Variants in DYNC2I2 observed in about 807,000 individuals in gnomAD.
DYNC2I2 encodes dynein 2 intermediate chain 2.
DYNC2I2 carries 39 observed loss-of-function variants against 52.0 expected under a neutral mutation model. The ratio of observed to expected loss-of-function variants is 0.75; its 90% CI spans 0.58 to 0.98. The LOEUF (loss-of-function observed/expected upper bound fraction) is 0.98, where lower values mean the gene tolerates loss of function less well. Among genes scored for constraint, DYNC2I2 ranks in the 50% least tolerant of loss-of-function variants. The pLI, the probability that DYNC2I2 is intolerant of heterozygous loss-of-function variation, is 0.00. For synonymous variants in DYNC2I2, 359 were observed against 321.1 expected, an observed-to-expected ratio of 1.12 and a Z score of -1.26; for missense variants, 743 against 728.4, an observed-to-expected ratio of 1.02 and a Z score of -0.23.
chr9:128,642,404 C>T (rs984698938), intron 1 of DYNC2I2, among the ~76,000 whole-genome samples: 1 of 145,886 alleles, frequency 6.9e-6, no homozygotes, highest in Non-Finnish European at 1.5e-5. Context: ...TGCACTGAGC[C>T]GAGATCATGC....
intron 4 of DYNC2I2, 200 bp from the exon 5 acceptor site, chr9:128,635,967 C>G: frequency 1.5e-6 from 1 of 671,144 alleles, no homozygotes; most frequent in Non-Finnish European, 2.6e-6. Context: ...CCGGACACCC[C>G]TGCCCTGCAC....
At chr9:128,662,837 T>A in the DYNC2I2 span, among the ~76,000 whole-genome samples, 4 of 152,138 alleles carry the variant, frequency 2.6e-5, no homozygotes, top group Non-Finnish European at 5.9e-5. Flanking sequence ...GTGCTGGGAC[T>A]ACAGGAGTGA....
the DYNC2I2 span, among the ~76,000 whole-genome samples, chr9:128,664,604 C>T: frequency 2.6e-5 from 4 of 151,724 alleles, no homozygotes; most frequent in Non-Finnish European, 4.4e-5. Context: ...CCAGTCTCAG[C>T]CTCCCAAGTA....
At chr9:128,665,109 T>C in the DYNC2I2 span, among the ~76,000 whole-genome samples, 3 of 150,900 alleles carry the variant, frequency 2.0e-5, no homozygotes, top group Admixed American at 1.3e-4. Flanking sequence ...CTGGAGTACA[T>C]TGGCGCAATC....
chr9:128,658,054 C>T (rs535519135), upstream of DYNC2I2, among the ~76,000 whole-genome samples: 11 of 151,872 alleles, frequency 7.2e-5, no homozygotes, highest in South Asian at 2.1e-4. Context: ...GATTGAACCA[C>T]GCTGTGCTTT....
At chr9:128,665,769 C>CAAA in the DYNC2I2 span, among the ~76,000 whole-genome samples, 4 of 72,138 alleles carry the variant, frequency 5.5e-5, no homozygotes, top group Non-Finnish European at 5.5e-5. Context: ...GACTCTGTGT[C>CAAA]AAAAAAAAAA....
chr9:128,643,828 G>A (rs2132163045), intron 1 of DYNC2I2, among the ~76,000 whole-genome samples: 1 of 152,306 alleles, frequency 6.6e-6, no homozygotes, highest in Non-Finnish European at 1.5e-5. Context: ...GCAGTTCTGT[G>A]GGGCCTGCTT....
chr9:128,653,730 G>A (rs1416891806), intron 1 of DYNC2I2, among the ~76,000 whole-genome samples: 1 of 149,948 alleles, frequency 6.7e-6, no homozygotes, highest in African/African-American at 2.5e-5. Context: ...AAAAAACCCA[G>A]GCCGGGCGCA....
At chr9:128,649,688 C>CAAAAAAAAAAAAAAAAAAA (rs34154610) in intron 1 of DYNC2I2, among the ~76,000 whole-genome samples, 3 of 47,230 alleles carry the variant, frequency 6.4e-5, no homozygotes, top group African/African-American at 4.1e-4. Flanking sequence ...GACTCCATCT[C>CAAAAAAAAAAAAAAAAAAA]AAAAAAAAAA....
At chr9:128,659,113 G>T (rs1457207282), upstream of DYNC2I2, among the ~76,000 whole-genome samples, 1 of 151,758 alleles carries the variant, frequency 6.6e-6, no homozygotes, top group Non-Finnish European at 1.5e-5. Flanking sequence ...CCACCCCATG[G>T]CCTCTGCCTC....
chr9:128,649,627 T>C (rs1352267204), intron 1 of DYNC2I2, among the ~76,000 whole-genome samples: 2 of 139,680 alleles, frequency 1.4e-5, no homozygotes, highest in Admixed American at 8.0e-5. Context: ...GGGCAGAGAT[T>C]GCAGTGAGCC....
At chr9:128,645,452 A>C (rs181137824) in intron 1 of DYNC2I2, among the ~76,000 whole-genome samples, 6,942 of 139,898 alleles carry the variant, frequency 0.05, 214 homozygotes, top group East Asian at 0.13. Flanking sequence ...ACTCTGTCTC[A>C]AAAAAAAAAA....
the DYNC2I2 span, among the ~76,000 whole-genome samples, chr9:128,667,156 G>T: frequency 6.6e-6 from 1 of 151,408 alleles, no homozygotes; most frequent in Non-Finnish European, 1.5e-5. Flanking sequence ...CCGAGATCAC[G>T]CCATTGCACT....
At chr9:128,642,671 C>T (rs1273421869) in intron 1 of DYNC2I2, among the ~76,000 whole-genome samples, 2 of 151,666 alleles carry the variant, frequency 1.3e-5, no homozygotes, top group African/African-American at 2.4e-5. Context: ...CTCGGGAAGG[C>T]GTGAACCTGG....
At chr9:128,665,404 C>T in the DYNC2I2 span, among the ~76,000 whole-genome samples, 5 of 151,960 alleles carry the variant, frequency 3.3e-5, no homozygotes, top group Non-Finnish European at 5.9e-5. Flanking sequence ...TTAGTCTCAC[C>T]GTTATATTTG....
At chr9:128,673,934 G>A in the DYNC2I2 span, among the ~76,000 whole-genome samples, 13 of 148,210 alleles carry the variant, frequency 8.8e-5, no homozygotes, top group Non-Finnish European at 1.5e-4. Context: ...TCACCCTCCC[G>A]AGTAACTGGG....
upstream of DYNC2I2, among the ~76,000 whole-genome samples, chr9:128,658,297 C>G (rs776338208): frequency 2.0e-5 from 3 of 151,702 alleles, no homozygotes; most frequent in Non-Finnish European, 4.4e-5. Context: ...TCCCAAGCAG[C>G]TGGGATTACA....
intron 1 of DYNC2I2, among the ~76,000 whole-genome samples, chr9:128,653,490 G>A (rs1425508591): frequency 2.0e-5 from 3 of 150,868 alleles, no homozygotes; most frequent in Admixed American, 1.3e-4. Flanking sequence ...CGAGGCAGGC[G>A]GATCACGAGG....
intron 6 of DYNC2I2, 72 bp downstream of exon 6, chr9:128,635,020 G>A (rs1483861947): frequency 1.9e-6 from 3 of 1,582,780 alleles, no homozygotes; most frequent in South Asian, 1.1e-5. Flanking sequence ...AGCAAGTCAG[G>A]CCCACTGCCA....
Sources: gnomAD v4.1 joint callset for allele counts (sites outside exome capture counted in the v4.1 genomes callset) on GRCh38, gnomAD v4.1.1 for gene constraint, MANE v1.5 for transcripts, NCBI Gene and HGNC (gene_info 2026-07-23, HGNC 2026-07-21) for gene names.